KIF26B: variants seen among roughly 807,000 people sequenced by gnomAD.
The protein encoded by KIF26B is kinesin family member 26B, also known as kinesin-like protein KIF26B.
A neutral mutation model predicts 151.2 loss-of-function variants in KIF26B; 63 were observed. That is an observed-to-expected ratio of 0.42 (90% CI 0.34 to 0.51). The LOEUF (loss-of-function observed/expected upper bound fraction) is 0.51. KIF26B is among the 20% of genes least tolerant of loss of function. The pLI is 0.07. For synonymous variants in KIF26B, 1,357 were observed against 1,262.1 expected (o/e 1.08, Z -1.59); for missense variants, 2,813 against 2,913.6 (o/e 0.97, Z 0.79).
chr1:245,341,264 G>C lies in KIF26B; in HGVS notation c.466-25570G>C, dbSNP rs534276452. Among the ~76,000 whole-genome samples the C allele has an allele frequency of 4.0e-5, 6 of 149,172 alleles. No homozygotes were observed. The East Asian group carries it at 1.2e-3, about 29-fold the overall frequency. ...AGTCTGTTTCTGAGATTATTCCTGGGAGCTTTAACTGGAAAAGCCAAGGGC... is the reference window on the plus strand; with the variant it reads ...AGTCTGTTTCTGAGATTATTCCTGGCAGCTTTAACTGGAAAAGCCAAGGGC... On this transcript the variant is annotated intron_variant, in intron 2 of 14. Transcript: ENST00000407071.
At chr1:245,294,691 G>A (rs4658745) in intron 2 of KIF26B, among the ~76,000 whole-genome samples, 72,111 of 151,728 alleles carry the variant, frequency 0.48, 17,497 homozygotes, top group East Asian at 0.65. Flanking sequence ...ACAGAGTCCC[G>A]CTCTGTTACC....
At chr1:245,251,100 G>T (rs1032024001) in intron 2 of KIF26B, among the ~76,000 whole-genome samples, 2 of 152,176 alleles carry the variant, frequency 1.3e-5, no homozygotes, top group Admixed American at 6.5e-5. Flanking sequence ...TACCAGGAAA[G>T]CTCATTAGAG....
At chr1:245,630,800 C>A (rs914449224) in intron 9 of KIF26B, among the ~76,000 whole-genome samples, 89 of 151,928 alleles carry the variant, frequency 5.9e-4, no homozygotes, top group Non-Finnish European at 1.9e-4. Flanking sequence ...CATGGGATGT[C>A]TTTTCATTTT....
At chr1:245,392,275 C>T (rs1673720794) in intron 3 of KIF26B, among the ~76,000 whole-genome samples, 1 of 152,114 alleles carries the variant, frequency 6.6e-6, no homozygotes, top group Admixed American at 6.6e-5. Context: ...CTTCCCATTG[C>T]CCTAACAATT....
chr1:245,619,870 G>A (rs566292675), intron 9 of KIF26B, among the ~76,000 whole-genome samples: 55 of 152,120 alleles, frequency 3.6e-4, no homozygotes, highest in African/African-American at 1.2e-3. Flanking sequence ...CTGAGATCAC[G>A]CCACTGCACT....
chr1:245,682,408 A>G (rs2044452344), intron 10 of KIF26B, among the ~76,000 whole-genome samples: 1 of 152,194 alleles, frequency 6.6e-6, no homozygotes, highest in Non-Finnish European at 1.5e-5. Flanking sequence ...AGCTGACTGT[A>G]TATGATCACA....
intron 10 of KIF26B, among the ~76,000 whole-genome samples, chr1:245,681,364 C>T (rs1477058375): frequency 6.6e-6 from 1 of 152,152 alleles, no homozygotes; most frequent in Non-Finnish European, 1.5e-5. Context: ...TGCCCGCCAC[C>T]ACGCCCAGCT....
intron 9 of KIF26B, among the ~76,000 whole-genome samples, chr1:245,640,278 T>C (rs1408041298): frequency 6.6e-6 from 1 of 151,016 alleles, no homozygotes; most frequent in Non-Finnish European, 1.5e-5. Context: ...TCACTTAAAG[T>C]CTATTTTATC....
chr1:245,386,021 A>T (rs1043957530), intron 3 of KIF26B, among the ~76,000 whole-genome samples: 1 of 152,164 alleles, frequency 6.6e-6, no homozygotes, highest in East Asian at 1.9e-4. Context: ...AGGCTGAGCC[A>T]TCTGAGGTCA....
At chr1:245,494,809 T>G (rs1249238849) in intron 4 of KIF26B, among the ~76,000 whole-genome samples, 2 of 151,642 alleles carry the variant, frequency 1.3e-5, no homozygotes, top group African/African-American at 4.8e-5. Flanking sequence ...GGAGGCTGAG[T>G]TGGGCAGATG....
At chr1:245,449,931 T>C (rs1207259236) in intron 4 of KIF26B, among the ~76,000 whole-genome samples, 5 of 152,254 alleles carry the variant, frequency 3.3e-5, no homozygotes, top group Admixed American at 6.5e-5. Context: ...ATGGATTCAT[T>C]GCAAGTGGAC....
intron 6 of KIF26B, among the ~76,000 whole-genome samples, chr1:245,603,647 C>T (rs935559272): frequency 6.6e-6 from 1 of 152,192 alleles, no homozygotes; most frequent in Non-Finnish European, 1.5e-5. Context: ...TGTCGGTCGT[C>T]ATCCAGCAGG....
chr1:245,204,375 T>C (rs1310043309), intron 2 of KIF26B, among the ~76,000 whole-genome samples: 2 of 109,018 alleles, frequency 1.8e-5, no homozygotes, highest in African/African-American at 5.8e-5. Context: ...TTGTAAGATC[T>C]CTCTTTTTTT....
chr1:245,630,838 G>A (rs1160671101), intron 9 of KIF26B, among the ~76,000 whole-genome samples: 1 of 152,024 alleles, frequency 6.6e-6, no homozygotes, highest in Non-Finnish European at 1.5e-5. Flanking sequence ...TTTTTTATCA[G>A]TATTTTGAAG....
intron 10 of KIF26B, among the ~76,000 whole-genome samples, chr1:245,655,891 C>T (rs535722303): frequency 6.6e-5 from 10 of 152,290 alleles, no homozygotes; most frequent in Non-Finnish European, 8.8e-5. Flanking sequence ...TTACACCACA[C>T]GTGATTCATA....
chr1:245,602,675 G>C lies in KIF26B; in HGVS notation c.1449G>C (p.Leu483Phe). Reference sequence around the variant, plus strand: ...ACCCACGGAAGAAGCAGATCACCTTGTACGATCCCCTGACTTGTGGAGGTC... The same window carrying C: ...ACCCACGGAAGAAGCAGATCACCTTCTACGATCCCCTGACTTGTGGAGGTC... ...KVDPRKKQIT[L>F]YDPLTCGGQN... Residue 483 changes from leucine (L) to phenylalanine (F), a missense_variant, in exon 6 of 15, where the codon TTG becomes TTC. By Grantham distance (22) the Leu-to-Phe change is conservative. Around this residue, in one of 3 missense-constraint regions of KIF26B, gnomAD observed 676 missense variants for 688.1 expected, o/e 0.98. Coordinates refer to ENST00000407071, the MANE Select transcript of KIF26B (RefSeq NM_018012.4). This position sits in a 1 kb window ranked among gnomAD's most constrained non-coding sequence, Gnocchi z 4.5. The C allele has an allele frequency of 6.2e-7, 1 of 1,614,054 alleles. No homozygotes were observed. The highest frequency in any genetic ancestry group is 8.5e-7 in the Non-Finnish European group (1 of 1,179,898).
intron 5 of KIF26B, among the ~76,000 whole-genome samples, chr1:245,555,310 CCATGAGAAGGT>C (rs1661992550): frequency 6.6e-6 from 1 of 152,252 alleles, no homozygotes; most frequent in East Asian, 1.9e-4. Flanking sequence ...TGGAACCAGA[CCATGAGAAGGT>C]CATGAGCGCC....
At chr1:245,451,005 G>A (rs1261788347) in intron 4 of KIF26B, among the ~76,000 whole-genome samples, 3 of 151,960 alleles carry the variant, frequency 2.0e-5, no homozygotes, top group East Asian at 1.9e-4. Flanking sequence ...TCGTGCCCAC[G>A]GCCATTACAT....
At chr1:245,231,288 G>C (rs529026248) in intron 2 of KIF26B, among the ~76,000 whole-genome samples, 5 of 152,322 alleles carry the variant, frequency 3.3e-5, no homozygotes, top group South Asian at 2.1e-4. Flanking sequence ...GCTGAGGTGG[G>C]CAGATCACCT....
Sources: allele counts gnomAD v4.1 joint callset (sites outside exome capture counted in the v4.1 genomes callset), GRCh38; gene constraint gnomAD v4.1.1; regional missense constraint gnomAD v4.1.1; non-coding constraint Gnocchi (gnomAD v3.1); transcripts MANE v1.5; gene names NCBI Gene and HGNC (gene_info 2026-07-23, HGNC 2026-07-21).